The following IMMP2L variants were observed in gnomAD, a reference collection of about 807,000 sequenced individuals.
IMMP2L encodes the protein mitochondrial inner membrane protease subunit 2.
A neutral mutation model predicts 19.3 loss-of-function variants in IMMP2L; 18 were observed. The ratio of observed to expected loss-of-function variants is 0.93; its 90% CI spans 0.64 to 1.38. The LOEUF (loss-of-function observed/expected upper bound fraction) is 1.38, where lower values mean the gene tolerates loss of function less well. Ranked by LOEUF, IMMP2L falls within the 40% of genes most tolerant of loss-of-function variation. IMMP2L has a pLI of 0.00. For missense variants in IMMP2L, 233 were observed against 218.2 expected, an observed-to-expected ratio of 1.07 and a Z score of -0.43; for synonymous variants, 76 against 73.0, an observed-to-expected ratio of 1.04 and a Z score of -0.21.
chr7:110,734,747 A>G (rs117357600), intron 5 of IMMP2L, among the ~76,000 whole-genome samples: 1 of 141,410 alleles, frequency 7.1e-6, no homozygotes, highest in African/African-American at 2.5e-5. Flanking sequence ...AAACAAACAA[A>G]AAACCAGCCT....
At chr7:110,984,642 A>G (rs1009543386) in intron 3 of IMMP2L, among the ~76,000 whole-genome samples, 1 of 152,126 alleles carries the variant, frequency 6.6e-6, no homozygotes, top group African/African-American at 2.4e-5. Context: ...GTCAATGTTT[A>G]GGCTTATTTT....
At chr7:110,690,528 C>T (rs374393577) in intron 5 of IMMP2L, among the ~76,000 whole-genome samples, 25 of 152,072 alleles carry the variant, frequency 1.6e-4, no homozygotes, top group Admixed American at 3.3e-4. Context: ...CTCTATTTGC[C>T]GATGATATGA....
chr7:111,552,607 T>C (rs1048273689), intron 1 of IMMP2L, among the ~76,000 whole-genome samples: 3 of 152,180 alleles, frequency 2.0e-5, no homozygotes, highest in Admixed American at 6.5e-5. Context: ...TATATGCTGC[T>C]TTAATGGTTT....
chr7:111,167,343 T>C (rs1380331836), intron 3 of IMMP2L, among the ~76,000 whole-genome samples: 1 of 151,938 alleles, frequency 6.6e-6, no homozygotes, highest in Admixed American at 6.6e-5. Flanking sequence ...CTGACTCCAC[T>C]CATCAACCAC....
chr7:110,909,425 T>G (rs1395975624), intron 4 of IMMP2L, among the ~76,000 whole-genome samples: 1 of 152,090 alleles, frequency 6.6e-6, no homozygotes, highest in Non-Finnish European at 1.5e-5. Flanking sequence ...AGCCAGACAA[T>G]GTAGCATGGC....
chr7:111,235,165 A>G (rs1420616812), intron 3 of IMMP2L, among the ~76,000 whole-genome samples: 3 of 152,004 alleles, frequency 2.0e-5, no homozygotes, highest in Non-Finnish European at 4.4e-5. Flanking sequence ...AGATATTTTC[A>G]CTAGGTATAA....
intron 3 of IMMP2L, among the ~76,000 whole-genome samples, chr7:111,387,975 T>TAAAAAAAAAAA (rs750267136): frequency 3.9e-4 from 36 of 93,396 alleles, no homozygotes; most frequent in African/African-American, 1.6e-3. Context: ...ACTCTGTCTT[T>TAAAAAAAAAAA]AAAAAAAAAA....
At chr7:111,491,872 A>G (rs1178962514) in intron 2 of IMMP2L, among the ~76,000 whole-genome samples, 2 of 151,686 alleles carry the variant, frequency 1.3e-5, no homozygotes, top group South Asian at 2.1e-4. Context: ...AAATATTCCT[A>G]TTGAACTTTC....
intron 1 of IMMP2L, among the ~76,000 whole-genome samples, chr7:111,560,560 C>T (rs924714773): frequency 2.6e-5 from 4 of 152,142 alleles, no homozygotes; most frequent in Non-Finnish European, 2.9e-5. Context: ...ACTAGAAAGG[C>T]GGAATAATAA....
At chr7:111,552,305 T>G (rs1790759468) in intron 1 of IMMP2L, among the ~76,000 whole-genome samples, 1 of 152,154 alleles carries the variant, frequency 6.6e-6, no homozygotes, top group Non-Finnish European at 1.5e-5. Context: ...TGTTTTGTTT[T>G]GAGACAGAGT....
chr7:110,849,972 T>C (rs961262115), intron 5 of IMMP2L, among the ~76,000 whole-genome samples: 1 of 151,990 alleles, frequency 6.6e-6, no homozygotes, highest in Non-Finnish European at 1.5e-5. Flanking sequence ...TAATATAATA[T>C]TTAGAAAAAT....
At position 110,757,869 on chromosome 7, in the gene IMMP2L, A is replaced by G. The variant is rs570003346; in HGVS notation, c.409-94148T>C. Reference sequence around the variant, plus strand: ...TGAAAGTGGGGAGGGGAAGCCATGCAGCTGTTTGGAGGAAGAGAATTTCAG... The same window carrying G: ...TGAAAGTGGGGAGGGGAAGCCATGCGGCTGTTTGGAGGAAGAGAATTTCAG... On this transcript the variant is annotated intron_variant, in intron 5 of 5. Transcript: ENST00000405709. The surrounding 1 kb of genome is among the most constrained non-coding windows in gnomAD (Gnocchi z 4.2). Among the ~76,000 whole-genome samples, 249 of 152,238 alleles carry G rather than the reference A, an allele frequency of 1.6e-3. 2 individuals carry two copies. The highest frequency in any genetic ancestry group is 1.9e-3 in the Admixed American group (29 of 15,252).
chr7:111,110,114 AAC>A (rs1176669501), intron 3 of IMMP2L, among the ~76,000 whole-genome samples: 12 of 152,176 alleles, frequency 7.9e-5, no homozygotes, highest in Admixed American at 1.3e-4. Flanking sequence ...CAGCCTAGGC[AAC>A]ACAGTGAGAC....
At chr7:111,141,725 T>C (rs766506147) in intron 3 of IMMP2L, among the ~76,000 whole-genome samples, 3 of 151,604 alleles carry the variant, frequency 2.0e-5, no homozygotes, top group Non-Finnish European at 2.9e-5. Flanking sequence ...GAGCTAGAGA[T>C]GTTCATTCGT....
chr7:111,120,535 G>C (rs1306118312), intron 3 of IMMP2L, among the ~76,000 whole-genome samples: 2 of 152,130 alleles, frequency 1.3e-5, no homozygotes, highest in African/African-American at 4.8e-5. Context: ...TGAGATTTGG[G>C]CGGGGACACA....
At chr7:111,103,036 T>C (rs949320237) in intron 3 of IMMP2L, among the ~76,000 whole-genome samples, 15 of 151,592 alleles carry the variant, frequency 9.9e-5, no homozygotes, top group South Asian at 2.1e-4. Context: ...ACAGTGTCCA[T>C]TGATCATAGT....
chr7:110,977,779 A>T (rs1045277395), intron 3 of IMMP2L, among the ~76,000 whole-genome samples: 3 of 150,360 alleles, frequency 2.0e-5, no homozygotes, highest in African/African-American at 7.4e-5. Flanking sequence ...AACCTTCTTC[A>T]TAAGACCTTT....
intron 3 of IMMP2L, among the ~76,000 whole-genome samples, chr7:111,218,003 G>A (rs1384906176): frequency 6.6e-6 from 1 of 151,948 alleles, no homozygotes; most frequent in Non-Finnish European, 1.5e-5. Context: ...ATGAGCTACG[G>A]AAAATGCTAT....
chr7:111,181,388 T>C (rs926143049), intron 3 of IMMP2L, among the ~76,000 whole-genome samples: 1 of 152,072 alleles, frequency 6.6e-6, no homozygotes, highest in Non-Finnish European at 1.5e-5. Context: ...GTTTGTTTAA[T>C]AGAATGTAAG....
Sources: allele counts gnomAD v4.1 joint callset (sites outside exome capture counted in the v4.1 genomes callset), GRCh38; gene constraint gnomAD v4.1.1; non-coding constraint Gnocchi (gnomAD v3.1); transcripts MANE v1.5; gene names NCBI Gene and HGNC (gene_info 2026-07-23, HGNC 2026-07-21).